Variants in DSCAM observed in about 807,000 individuals in gnomAD.
DSCAM encodes cell adhesion molecule DSCAM.
In DSCAM, 47 loss-of-function variants were observed where a neutral mutation model predicts 217.7. The ratio of observed to expected loss-of-function variants is 0.22; its 90% CI spans 0.17 to 0.28. The LOEUF is 0.28. Among genes scored for constraint, DSCAM ranks in the 10% least tolerant of loss-of-function variants. The pLI is 1.00. For synonymous variants in DSCAM, 1,056 were observed against 1,015.3 expected, an observed-to-expected ratio of 1.04 and a Z score of -0.76; for missense variants, 2,080 against 2,618.3, an observed-to-expected ratio of 0.79 and a Z score of 4.49.
At chr21:40,175,780 T>C (rs7279225) in intron 15 of DSCAM, among the ~76,000 whole-genome samples, 61,384 of 144,720 alleles carry the variant, frequency 0.42, 13,671 homozygotes, top group African/African-American at 0.58. Flanking sequence ...AACACACACA[T>C]ACACACACAC....
At chr21:40,522,948 T>C (rs886602652) in intron 3 of DSCAM, among the ~76,000 whole-genome samples, 1 of 152,138 alleles carries the variant, frequency 6.6e-6, no homozygotes. Context: ...GGTAAATAAA[T>C]TGTTGATTTC....
At chr21:40,333,615 T>C (rs1301316401) in intron 8 of DSCAM, among the ~76,000 whole-genome samples, 1 of 152,240 alleles carries the variant, frequency 6.6e-6, no homozygotes, top group African/African-American at 2.4e-5. Context: ...TCCTCCTGCC[T>C]CGGTCTCCCA....
chr21:40,075,232 T>C lies in DSCAM; in HGVS notation c.4712-19A>G. ...ATTGTACCTGAAAGCAGGGCCACGG[T>C]GTTAGATGGCTATTAATGAAGACGG... On this transcript the variant is annotated intron_variant, in intron 26 of 32. Transcript: ENST00000400454. The C allele has an allele frequency of 6.2e-7, 1 of 1,613,530 alleles. No homozygotes were observed. Among genetic ancestry groups the C allele is most frequent in the Non-Finnish European group, 8.5e-7 (1 of 1,179,568 alleles).
At chr21:40,702,379 G>T (rs540154843) in intron 2 of DSCAM, among the ~76,000 whole-genome samples, 1 of 152,278 alleles carries the variant, frequency 6.6e-6, no homozygotes, top group East Asian at 1.9e-4. Flanking sequence ...GATGCTCTGA[G>T]CAAACAGTGT....
At chr21:40,387,416 C>A (rs1037665697) in intron 3 of DSCAM, among the ~76,000 whole-genome samples, 1 of 151,740 alleles carries the variant, frequency 6.6e-6, no homozygotes, top group African/African-American at 2.4e-5. Flanking sequence ...CTAGCCTAAG[C>A]TTTGTGTAGG....
intron 3 of DSCAM, among the ~76,000 whole-genome samples, chr21:40,508,758 TATATATATATATATATATATATATA>T (rs1163769332): frequency 0.39 from 5,626 of 14,326 alleles, 782 homozygotes; most frequent in African/African-American, 0.48. Flanking sequence ...TATATATATA[TATATATATATATATATATATATATA>T]TTTTTTTTTT....
intron 3 of DSCAM, among the ~76,000 whole-genome samples, chr21:40,509,102 C>T (rs2076238101): frequency 6.6e-6 from 1 of 152,000 alleles, no homozygotes; most frequent in South Asian, 2.1e-4. Flanking sequence ...TACAAAATTG[C>T]AACTTGTGCA....
At chr21:40,340,897 C>T (rs893783083) in intron 6 of DSCAM, among the ~76,000 whole-genome samples, 1 of 152,246 alleles carries the variant, frequency 6.6e-6, no homozygotes, top group Admixed American at 6.5e-5. Flanking sequence ...TCCCCCAGAA[C>T]CTTGGGGCCT....
chr21:40,500,306 TA>T (rs1454052803), intron 3 of DSCAM, among the ~76,000 whole-genome samples: 6 of 152,224 alleles, frequency 3.9e-5, no homozygotes, highest in Non-Finnish European at 5.9e-5. Context: ...TGTCTTGTTT[TA>T]TGAGTAACAT....
Position 40,048,958 on chromosome 21 carries a change from A to G in DSCAM, c.5185+3000T>C, listed in dbSNP as rs553172223. Among the ~76,000 whole-genome samples, 3 of 148,942 alleles carry G rather than the reference A, an allele frequency of 2.0e-5. No homozygotes were observed. The East Asian group carries it at 6.4e-4, about 32-fold the overall frequency. ...TCAGTCCCTCACACTGTGGTTTTTGAGGAAGATTTAATGAAAAAAATGATC... is the reference window on the plus strand; with the variant it reads ...TCAGTCCCTCACACTGTGGTTTTTGGGGAAGATTTAATGAAAAAAATGATC... On this transcript the variant is annotated intron_variant, in intron 30 of 32. Coordinates refer to ENST00000400454, the MANE Select transcript of DSCAM (RefSeq NM_001389.5).
chr21:40,387,333 G>A (rs933043638), intron 3 of DSCAM, among the ~76,000 whole-genome samples: 2 of 149,774 alleles, frequency 1.3e-5, no homozygotes, highest in African/African-American at 4.9e-5. Context: ...GAAGTCTGCA[G>A]AAAAGTACAA....
chr21:40,752,452 C>T (rs141219444), intron 1 of DSCAM, among the ~76,000 whole-genome samples: 222 of 152,286 alleles, frequency 1.5e-3, no homozygotes, highest in African/African-American at 4.4e-3. Flanking sequence ...TGTGTCTCCA[C>T]TAATATCTGA....
intron 11 of DSCAM, among the ~76,000 whole-genome samples, chr21:40,268,028 C>T (rs1264086298): frequency 6.6e-6 from 1 of 152,142 alleles, no homozygotes; most frequent in Non-Finnish European, 1.5e-5. Flanking sequence ...CAAACAGGGT[C>T]CCTGCTGCTC....
At chr21:40,166,386 T>C (rs745790945) in intron 16 of DSCAM, among the ~76,000 whole-genome samples, 6 of 152,202 alleles carry the variant, frequency 3.9e-5, no homozygotes, top group Non-Finnish European at 8.8e-5. Context: ...AATAACGTTC[T>C]GGATGAAACG....
chr21:40,820,947 C>T (rs953815138), intron 1 of DSCAM, among the ~76,000 whole-genome samples: 21 of 151,572 alleles, frequency 1.4e-4, no homozygotes, highest in Admixed American at 5.9e-4. Context: ...TAATTTAGTA[C>T]AGCAAGTTTT....
chr21:40,191,295 T>C (rs726105), intron 11 of DSCAM, among the ~76,000 whole-genome samples: 69,618 of 152,002 alleles, frequency 0.46, 16,358 homozygotes, highest in African/African-American at 0.57. Flanking sequence ...GGCAGAGATG[T>C]GCCCCACAGC....
intron 1 of DSCAM, among the ~76,000 whole-genome samples, chr21:40,760,544 G>T (rs1450906655): frequency 6.6e-6 from 1 of 152,310 alleles, no homozygotes; most frequent in South Asian, 2.1e-4. Flanking sequence ...GCCAGTCAGG[G>T]AGTAAGAATG....
intron 3 of DSCAM, among the ~76,000 whole-genome samples, chr21:40,661,745 C>T (rs2090141146): frequency 6.6e-6 from 1 of 152,108 alleles, no homozygotes; most frequent in Admixed American, 6.6e-5. Flanking sequence ...AGGAGGGAGG[C>T]CATTAAGCTC....
chr21:40,310,153 A>G (rs1302920901), intron 9 of DSCAM, among the ~76,000 whole-genome samples: 4 of 152,306 alleles, frequency 2.6e-5, no homozygotes, highest in Admixed American at 6.5e-5. Context: ...AGACCTCCCT[A>G]TGCAATCTGA....
Sources: gnomAD v4.1 joint callset for allele counts (sites outside exome capture counted in the v4.1 genomes callset) on GRCh38, gnomAD v4.1.1 for gene constraint, MANE v1.5 for transcripts, NCBI Gene and HGNC (gene_info 2026-07-23, HGNC 2026-07-21) for gene names.